Variants in ZNF534 observed in about 807,000 individuals in gnomAD.
The protein encoded by ZNF534 is KRAB domain only 3.
A neutral mutation model predicts 13.6 loss-of-function variants in ZNF534; 19 were observed. The ratio of observed to expected loss-of-function variants is 1.40; its 90% confidence interval spans 0.97 to 2.05. The LOEUF (loss-of-function observed/expected upper bound fraction) is 2.05. ZNF534 is among the 30% of genes most tolerant of loss of function. ZNF534 has a pLI of 0.00. For synonymous variants in ZNF534, 244 were observed against 273.8 expected (o/e 0.89, Z 1.07); for missense variants, 782 against 796.3 (o/e 0.98, Z 0.22).
rs1316004139 is a variant in ZNF534, at chr19:52,442,073, CAGAT to C, written c.*2628_*2631del. 6.6e-6 allele frequency among the ~76,000 whole-genome samples: 1 copy of C among 152,048 alleles called. No individual in the cohort carries two copies. The highest frequency in any genetic ancestry group is 3.2e-3 in the Middle Eastern group (1 of 316). ...AAATATACTTTTGGATAAAACGACA[CAGAT>C]GGATTGTATATGCTGAGGATATCCA... is the stretch of plus-strand genomic sequence containing the variant. On this transcript the variant is annotated 3_prime_UTR_variant, in exon 5 of 5. Transcript: ENST00000433050.
intron 2 of ZNF534, among the ~76,000 whole-genome samples, chr19:52,433,005 G>A (rs1334036451): frequency 6.6e-6 from 1 of 152,036 alleles, no homozygotes; most frequent in Non-Finnish European, 1.5e-5. Flanking sequence ...CATTTTTGGA[G>A]GCTGAGGTGG....
At chr19:52,436,311 CAT>C (rs1236946282) in intron 4 of ZNF534, among the ~76,000 whole-genome samples, 1 of 152,170 alleles carries the variant, frequency 6.6e-6, no homozygotes, top group Admixed American at 6.5e-5. Context: ...GAAAAATACA[CAT>C]AGACTTATAC....
chr19:52,432,594 G>A (rs141323082), intron 2 of ZNF534, among the ~76,000 whole-genome samples: 6 of 151,816 alleles, frequency 4.0e-5, no homozygotes, highest in African/African-American at 1.5e-4. Flanking sequence ...TGTTATCATC[G>A]CAGTTTTCAG....
intron 2 of ZNF534, among the ~76,000 whole-genome samples, chr19:52,432,111 A>G (rs16983808): frequency 0.16 from 23,837 of 151,758 alleles, 2,601 homozygotes; most frequent in African/African-American, 0.31. Context: ...AGGATGTTCA[A>G]ATTTTTCTAC....
chr19:52,431,842 T>A (rs1197489948), intron 2 of ZNF534, among the ~76,000 whole-genome samples: 2 of 145,332 alleles, frequency 1.4e-5, no homozygotes, highest in African/African-American at 5.2e-5. Flanking sequence ...CTAGAGAAGC[T>A]GCATGTGGAA....
chr19:52,433,898 G>T (rs191051514), intron 2 of ZNF534, 57 bp from the exon 3 acceptor site: 37 of 1,602,788 alleles, frequency 2.3e-5, no homozygotes, highest in Non-Finnish European at 3.2e-5. Context: ...TTCTCATTCT[G>T]TTTGAAGATA....
exon 5 of ZNF534, chr19:52,451,959 C>T: frequency 2.6e-6 from 1 of 387,142 alleles, no homozygotes; most frequent in Non-Finnish European, 5.1e-6. Context: ...ATGCCAAGAA[C>T]AGAAAACGAG....
At position 52,440,665 on chromosome 19, in the gene ZNF534, C is replaced by A. The variant is rs1216816821; in HGVS notation, c.*1219C>A. 8.4e-6 allele frequency among the ~76,000 whole-genome samples: 1 copy of A among 119,238 alleles called. No homozygotes were observed. Among genetic ancestry groups the A allele is most frequent in the African/African-American group, 3.1e-5 (1 of 31,840 alleles). The allele number at this position is 119,238 out of a possible 152,430, so 78.2% of individuals were successfully genotyped here. A position where few individuals can be genotyped will look rare whatever the true frequency, so the allele number is the denominator to read the frequency against. On this transcript the variant is annotated 3_prime_UTR_variant, in exon 5 of 5. Transcript: ENST00000433050. ...GTGTGGTGGTGGGTGTCTGTAATCC[C>A]AGCTACTCAGGAGGCTGAGGCAGGA...
At chr19:52,435,050 G>A (rs1173884000) in intron 3 of ZNF534, 31 bp from the exon 4 acceptor site, 1 of 1,604,392 alleles carries the variant, frequency 6.2e-7, no homozygotes, top group Non-Finnish European at 8.5e-7. Context: ...AGATGCCACA[G>A]CACACATTTA....
At chr19:52,433,208 C>G (rs12981468) in intron 2 of ZNF534, among the ~76,000 whole-genome samples, 105,918 of 137,074 alleles carry the variant, frequency 0.77, 41,904 homozygotes, top group Non-Finnish European at 0.87. Flanking sequence ...CCCTGCACTC[C>G]AGTCTGGGAA....
chr19:52,430,013 AT>A (rs907077203), intron 1 of ZNF534, among the ~76,000 whole-genome samples: 6 of 145,626 alleles, frequency 4.1e-5, no homozygotes, highest in Non-Finnish European at 9.1e-5. Context: ...GATGCTGACA[AT>A]TTTTTTTTTG....
chr19:52,431,117 C>T (rs2059084349), intron 1 of ZNF534, among the ~76,000 whole-genome samples: 1 of 152,178 alleles, frequency 6.6e-6, no homozygotes, highest in South Asian at 2.1e-4. Context: ...TCCCAAAGTG[C>T]TAGGATTATA....
At chr19:52,434,464 CAAAAAAAAA>C (rs528136970) in intron 3 of ZNF534, among the ~76,000 whole-genome samples, 2 of 63,098 alleles carry the variant, frequency 3.2e-5, no homozygotes, top group Middle Eastern at 0.011. Flanking sequence ...GACTCCGTCT[CAAAAAAAAA>C]AAAAAAAAAA....
At chr19:52,436,027 C>T (rs2059127030) in intron 4 of ZNF534, among the ~76,000 whole-genome samples, 1 of 149,100 alleles carries the variant, frequency 6.7e-6, no homozygotes, top group Non-Finnish European at 1.5e-5. Flanking sequence ...AGCTCTGCCT[C>T]CTGGGTTCAC....
Position 52,437,866 on chromosome 19 carries a change from G to A in ZNF534, c.406G>A (p.Glu136Lys), listed in dbSNP as rs780562196. The A allele has an allele frequency of 3.7e-6, 6 of 1,613,804 alleles. No homozygotes were observed. The East Asian group carries it at 1.1e-4, about 30-fold the overall frequency. ...VRNIYGCKHV[E>K]KSISDNSSVS... ...GAATATTTATGGATGTAAGCATGTT[G>A]AGAAATCTATCAGTGACAATTCTTC... Residue 136 changes from glutamate (E) to lysine (K), a missense_variant, in exon 5 of 5, where the codon GAG becomes AAG. By Grantham distance (56) the Glu-to-Lys change is moderately conservative. Coordinates refer to ENST00000433050, the MANE Select transcript of ZNF534 (RefSeq NM_001143938.3).
At position 52,439,563 on chromosome 19, in the gene ZNF534, GAA is replaced by G; in HGVS notation, c.*119_*120del. The G allele has an allele frequency of 1.1e-6, 1 of 885,682 alleles. No individual in the cohort carries two copies. Among genetic ancestry groups the G allele is most frequent in the Non-Finnish European group, 1.6e-6 (1 of 625,124 alleles). 54.9% of individuals were successfully genotyped at this position (885,682 alleles called of 1,614,324 possible). ...TTGAGACCATCCTGGCTAACACGGTGAAACCCCATCTCTACTAAAAATACAAA... is the reference window on the plus strand; with the variant it reads ...TTGAGACCATCCTGGCTAACACGGTGACCCCATCTCTACTAAAAATACAAA... On this transcript the variant is annotated 3_prime_UTR_variant, in exon 5 of 5. Transcript: ENST00000433050.
rs1233512500 is a variant in ZNF534, at chr19:52,440,023, G to A, written c.*577G>A. Among the ~76,000 whole-genome samples, 2 of 152,056 alleles carry A rather than the reference G, an allele frequency of 1.3e-5. No individual in the cohort carries two copies. The highest frequency in any genetic ancestry group is 2.1e-4 in the South Asian group (1 of 4,820). The stretch of plus-strand genomic sequence containing the variant: ...GCAGAGGTTGTGATGAGCCGAGATT[G>A]CAACATTGCACTCCAGCTTGGGCAA... On this transcript the variant is annotated 3_prime_UTR_variant, in exon 5 of 5. Coordinates refer to ENST00000433050, the MANE Select transcript of ZNF534 (RefSeq NM_001143938.3).
chr19:52,449,380 C>T (rs199618356), intron 4 of ZNF534, among the ~76,000 whole-genome samples: 2 of 131,956 alleles, frequency 1.5e-5, no homozygotes, highest in Non-Finnish European at 3.4e-5. Context: ...CTCTCTCTTT[C>T]TCTCTTTCCA....
chr19:52,433,122 A>T (rs80092360), intron 2 of ZNF534, among the ~76,000 whole-genome samples: 21,872 of 149,782 alleles, frequency 0.15, 2,020 homozygotes, highest in African/African-American at 0.27. Context: ...GTGAGCCTGT[A>T]GTCCCAGCTA....
Sources: allele counts gnomAD v4.1 joint callset (sites outside exome capture counted in the v4.1 genomes callset), GRCh38; gene constraint gnomAD v4.1.1; transcripts MANE v1.5; gene names NCBI Gene and HGNC (gene_info 2026-07-23, HGNC 2026-07-21).